Variants in FAM151B observed in about 807,000 individuals in gnomAD.
The protein encoded by FAM151B is family with sequence similarity 151 member B.
FAM151B carries 24 observed loss-of-function variants against 31.2 expected under a neutral mutation model. The observed-to-expected ratio is 0.77, with a 90% CI of 0.56 to 1.08. FAM151B has a LOEUF of 1.08. FAM151B is among the 50% of genes least tolerant of loss of function. The pLI is 0.00. For missense variants in FAM151B, 293 were observed against 328.6 expected (o/e 0.89, Z 0.84); for synonymous variants, 105 against 111.4 (o/e 0.94, Z 0.36).
intron 1 of FAM151B, among the ~76,000 whole-genome samples, chr5:80,492,404 G>A (rs988173640): frequency 6.6e-6 from 1 of 152,146 alleles, no homozygotes; most frequent in African/African-American, 2.4e-5. Flanking sequence ...AACTTAATCT[G>A]TAAATGTGGT....
intron 2 of FAM151B, among the ~76,000 whole-genome samples, chr5:80,505,281 G>A (rs771781717): frequency 6.6e-6 from 1 of 151,628 alleles, no homozygotes; most frequent in Admixed American, 6.6e-5. Flanking sequence ...GATTACAGGT[G>A]TGAGCACCAC....
In FAM151B at chr5:80,538,347, A is replaced by G. The variant is rs553400249; in HGVS notation, c.672-3326A>G. 4.6e-5 allele frequency among the ~76,000 whole-genome samples: 7 copies of G among 151,730 alleles called. No homozygotes were observed. The East Asian group carries it at 7.8e-4, about 17-fold the overall frequency. ...CTCCCAAAGTCCTGGGATTACAGGC[A>G]TGAGCCACCGCACCCAGCCTTTCTT... is the stretch of plus-strand genomic sequence containing the variant. On this transcript the variant is annotated intron_variant, in intron 5 of 5. Transcript: ENST00000282226.
At chr5:80,510,978 A>G (rs894286932) in intron 2 of FAM151B, 2 of 152,196 alleles carry the variant, frequency 1.3e-5, no homozygotes, top group African/African-American at 4.8e-5. Flanking sequence ...GTTTCCACCA[A>G]ATTTGTGATC....
At position 80,526,516 on chromosome 5, in the gene FAM151B, A is replaced by G. The variant is rs376716577; in HGVS notation, c.671+4378A>G. Among the ~76,000 whole-genome samples the G allele has an allele frequency of 3.6e-4, 55 of 151,116 alleles. 1 individual carries two copies. The East Asian group carries it at 7.8e-3, about 21-fold the overall frequency. On this transcript the variant is annotated intron_variant, in intron 5 of 5. Coordinates refer to ENST00000282226, the MANE Select transcript of FAM151B (RefSeq NM_205548.3). ...GTGCCTGTAATTCCAGCTACTCGGG[A>G]GGCTGAGATGGGGGAATCGCTTGAA...
At chr5:80,493,801 C>G (rs537332805) in intron 1 of FAM151B, among the ~76,000 whole-genome samples, 1 of 152,156 alleles carries the variant, frequency 6.6e-6, no homozygotes, top group Admixed American at 6.5e-5. Flanking sequence ...ATGTGCACAG[C>G]GGGACATAGA....
At chr5:80,525,249 C>T (rs985377992) in intron 5 of FAM151B, among the ~76,000 whole-genome samples, 17 of 152,090 alleles carry the variant, frequency 1.1e-4, no homozygotes, top group Admixed American at 3.9e-4. Flanking sequence ...ATACGAGAAC[C>T]TCATTTTGAG....
intron 1 of FAM151B, among the ~76,000 whole-genome samples, chr5:80,491,984 A>G (rs1743349496): frequency 6.6e-6 from 1 of 151,982 alleles, no homozygotes; most frequent in African/African-American, 2.4e-5. Flanking sequence ...CAACTAATCA[A>G]CTCTGCTATG....
At chr5:80,495,830 CAAAAAAAAAAAAAAAAAAAA>C (rs3072031) in intron 1 of FAM151B, among the ~76,000 whole-genome samples, 1 of 88,154 alleles carries the variant, frequency 1.1e-5, no homozygotes, top group Non-Finnish European at 2.0e-5. Flanking sequence ...GACTCCGTCT[CAAAAAAAAAAAAAAAAAAAA>C]AAAAAAAAAG....
intron 5 of FAM151B, among the ~76,000 whole-genome samples, chr5:80,540,735 C>T (rs890570977): frequency 6.6e-6 from 1 of 152,272 alleles, no homozygotes; most frequent in South Asian, 2.1e-4. Flanking sequence ...TTTTCTGTGT[C>T]CCTTAGCTGT....
intron 1 of FAM151B, among the ~76,000 whole-genome samples, chr5:80,490,112 G>A (rs1743268528): frequency 6.8e-6 from 1 of 147,284 alleles, no homozygotes; most frequent in Admixed American, 6.7e-5. Flanking sequence ...GTTCCGTCCT[G>A]GCCGGGCGTG....
intron 3 of FAM151B, among the ~76,000 whole-genome samples, chr5:80,515,572 A>G (rs886077196): frequency 1.3e-5 from 2 of 152,178 alleles, no homozygotes; most frequent in Admixed American, 1.3e-4. Context: ...GCTTCTCACC[A>G]GTCAGATCAG....
At chr5:80,499,144 G>C (rs548894587) in intron 1 of FAM151B, among the ~76,000 whole-genome samples, 5 of 152,270 alleles carry the variant, frequency 3.3e-5, no homozygotes, top group Non-Finnish European at 5.9e-5. Context: ...ATAAATGTTT[G>C]AAGCATGAAC....
intron 1 of FAM151B, chr5:80,498,505 A>G (rs1161792228): frequency 1.2e-6 from 1 of 814,810 alleles, no homozygotes; most frequent in African/African-American, 1.7e-5. Flanking sequence ...ATGTTAGCTC[A>G]TGTCTTTTAT....
At chr5:80,506,107 G>GA (rs1374094696) in intron 2 of FAM151B, 78 of 985,278 alleles carry the variant, frequency 7.9e-5, no homozygotes, top group Non-Finnish European at 9.4e-5. Flanking sequence ...CAAGCATATG[G>GA]AAACTGGTTC....
intron 5 of FAM151B, among the ~76,000 whole-genome samples, chr5:80,533,159 C>T (rs968364518): frequency 7.9e-5 from 12 of 151,956 alleles, no homozygotes; most frequent in African/African-American, 2.4e-4. Context: ...GGGTGGATCA[C>T]GAGGTCAGGA....
intron 2 of FAM151B, among the ~76,000 whole-genome samples, chr5:80,507,323 C>G (rs998472945): frequency 7.2e-5 from 11 of 152,116 alleles, no homozygotes; most frequent in Admixed American, 6.6e-4. Flanking sequence ...TCTGACCTAG[C>G]TTTAGAGGTA....
At chr5:80,541,545 T>C (rs1289055088) in intron 5 of FAM151B, 128 bp from the exon 6 acceptor site, 3 of 809,044 alleles carry the variant, frequency 3.7e-6, no homozygotes, top group South Asian at 1.6e-5. Flanking sequence ...AGTTACACCA[T>C]TGCTGATTAA....
intron 1 of FAM151B, among the ~76,000 whole-genome samples, chr5:80,491,240 G>A (rs1743320652): frequency 6.6e-6 from 1 of 151,246 alleles, no homozygotes; most frequent in Non-Finnish European, 1.5e-5. Flanking sequence ...CATTGAGACA[G>A]GGTCTCGCTC....
At chr5:80,501,278 C>G (rs971773850) in intron 1 of FAM151B, 8 of 568,712 alleles carry the variant, frequency 1.4e-5, no homozygotes, top group African/African-American at 1.2e-4. Flanking sequence ...CCTCAGCCTC[C>G]CAAAGTGCTG....
Sources: allele counts gnomAD v4.1 joint callset (sites outside exome capture counted in the v4.1 genomes callset), GRCh38; gene constraint gnomAD v4.1.1; transcripts MANE v1.5; gene names NCBI Gene and HGNC (gene_info 2026-07-23, HGNC 2026-07-21).